Variants in IQGAP2 observed in about 807,000 individuals in gnomAD.
IQGAP2 encodes the protein ras GTPase-activating-like protein IQGAP2.
Under a neutral mutation model 201.3 loss-of-function variants are expected in IQGAP2, and 173 were observed. The observed-to-expected ratio is 0.86, with a 90% CI of 0.76 to 0.98. The LOEUF is 0.98. Ranked by LOEUF, IQGAP2 falls within the 50% of genes least tolerant of loss-of-function variation. The pLI, the probability that IQGAP2 is intolerant of heterozygous loss-of-function variation, is 0.00. For missense variants in IQGAP2, 1,687 were observed against 1,864.8 expected (o/e 0.90, Z 1.76); for synonymous variants, 675 against 673.9 (o/e 1.00, Z -0.03).
At chr5:76,595,413 G>A (rs534903430) in intron 9 of IQGAP2, among the ~76,000 whole-genome samples, 1 of 146,818 alleles carries the variant, frequency 6.8e-6, no homozygotes, top group South Asian at 2.3e-4. Context: ...AATGCAGAGT[G>A]TAAAAGAGTG....
In IQGAP2 at chr5:76,700,461, C is replaced by T. The variant is rs191172594; in HGVS notation, c.4368-615C>T. 3.8e-4 allele frequency among the ~76,000 whole-genome samples: 58 copies of T among 152,196 alleles called. No individual in the cohort carries two copies. In the East Asian group the frequency reaches 9.7e-3, roughly 25 times the overall value. On this transcript the variant is annotated intron_variant, in intron 33 of 35. Transcript: ENST00000274364. Reference sequence around the variant, plus strand: ...AGGTTGCAGTGAGCCAAGATCACGCCACTGCACTCCAGCCTGGGCAATAGA... The same window carrying T: ...AGGTTGCAGTGAGCCAAGATCACGCTACTGCACTCCAGCCTGGGCAATAGA...
At chr5:76,695,026 C>G (rs1746597684) in intron 31 of IQGAP2, among the ~76,000 whole-genome samples, 1 of 152,190 alleles carries the variant, frequency 6.6e-6, no homozygotes, top group South Asian at 2.1e-4. Flanking sequence ...GTTTAGGACT[C>G]TCCATAAACA....
chr5:76,501,992 G>A (rs1210662034), intron 2 of IQGAP2, among the ~76,000 whole-genome samples: 1 of 152,170 alleles, frequency 6.6e-6, no homozygotes, highest in African/African-American at 2.4e-5. Flanking sequence ...GATTGATTGT[G>A]CTACAACCTG....
chr5:76,442,390 G>C (rs1342195261), intron 1 of IQGAP2, among the ~76,000 whole-genome samples: 1 of 152,068 alleles, frequency 6.6e-6, no homozygotes, highest in Non-Finnish European at 1.5e-5. Flanking sequence ...ACATTTTTAG[G>C]CTTTGACATA....
chr5:76,438,035 G>GTTTTTTTTTTTTTTT (rs71604291), intron 1 of IQGAP2, among the ~76,000 whole-genome samples: 14 of 68,590 alleles, frequency 2.0e-4, no homozygotes, highest in South Asian at 3.8e-4. Flanking sequence ...TTTTTTGTTT[G>GTTTTTTTTTTTTTTT]TTTTTTTTTT....
intron 2 of IQGAP2, among the ~76,000 whole-genome samples, chr5:76,492,395 A>G (rs2150156952): frequency 6.6e-6 from 1 of 152,336 alleles, no homozygotes; most frequent in South Asian, 2.1e-4. Flanking sequence ...AGGGAAAGGT[A>G]GCACTGGGAT....
intron 30 of IQGAP2, 31 bp from the exon 31 acceptor site, chr5:76,693,324 G>A: frequency 6.6e-7 from 1 of 1,514,654 alleles, no homozygotes; most frequent in Non-Finnish European, 9.1e-7. Context: ...ACTACAGTCT[G>A]AAAGTCTGTC....
At chr5:76,678,036 A>C (rs550382224) in intron 28 of IQGAP2, among the ~76,000 whole-genome samples, 2 of 152,328 alleles carry the variant, frequency 1.3e-5, no homozygotes, top group East Asian at 3.9e-4. Flanking sequence ...AAGCTATGCT[A>C]TGTAGACCTA....
intron 1 of IQGAP2, among the ~76,000 whole-genome samples, chr5:76,425,389 G>C (rs975011880): frequency 6.6e-6 from 1 of 152,132 alleles, no homozygotes; most frequent in Non-Finnish European, 1.5e-5. Context: ...GCAAACAGCT[G>C]TTAATGTTGC....
In IQGAP2 at chr5:76,671,979, G is replaced by C; in HGVS notation, c.3064G>C (p.Ala1022Pro). The C allele has an allele frequency of 1.2e-6, 2 of 1,607,494 alleles. No individual in the cohort carries two copies. Among genetic ancestry groups the C allele is most frequent in the South Asian group, 2.2e-5 (2 of 90,720 alleles). ...VNQLETQTGE[A>P]SKLPYDVTTE... ...CCAACTAGAAACACAGACTGGAGAGGCCAGGTAATAGAATCAGGAAGGTGT... is the reference window on the plus strand; with the variant it reads ...CCAACTAGAAACACAGACTGGAGAGCCCAGGTAATAGAATCAGGAAGGTGT... Residue 1022 changes from alanine to proline, a missense_variant, in exon 24 of 36, where the codon GCC becomes CCC. By Grantham distance (27) the Ala-to-Pro change is conservative. Transcript: ENST00000274364.
chr5:76,558,961 C>T (rs1580455104), intron 2 of IQGAP2, among the ~76,000 whole-genome samples: 1 of 151,972 alleles, frequency 6.6e-6, no homozygotes, highest in Admixed American at 6.6e-5. Flanking sequence ...AGTGCAGTGG[C>T]GCGATCTCGG....
At chr5:76,700,989 G>T in intron 33 of IQGAP2, 87 bp from the exon 34 acceptor site, 2 of 1,385,816 alleles carry the variant, frequency 1.4e-6, no homozygotes. Context: ...TATGAACAGC[G>T]ATGTCACTCT....
chr5:76,530,179 T>C (rs750988545), intron 2 of IQGAP2, among the ~76,000 whole-genome samples: 1 of 152,224 alleles, frequency 6.6e-6, no homozygotes, highest in Admixed American at 6.5e-5. Context: ...TAAAACTTTA[T>C]AGAAAATGAA....
chr5:76,543,737 T>A (rs1345017546), intron 2 of IQGAP2, among the ~76,000 whole-genome samples: 8 of 152,218 alleles, frequency 5.3e-5, no homozygotes, highest in Non-Finnish European at 1.5e-5. Context: ...TAACAGTTTG[T>A]TTCCTGGCTT....
intron 2 of IQGAP2, among the ~76,000 whole-genome samples, chr5:76,559,217 C>A (rs1236296958): frequency 2.6e-5 from 4 of 152,056 alleles, no homozygotes; most frequent in African/African-American, 9.7e-5. Context: ...TTTTCAACTC[C>A]CTTTTCTGAG....
At chr5:76,644,295 C>CTTTTTTTTTTTTTTTTTTTTTTT in intron 17 of IQGAP2, among the ~76,000 whole-genome samples, 1,041 of 47,440 alleles carry the variant, frequency 0.022, 240 homozygotes, top group Non-Finnish European at 0.032. Context: ...TTTGTAAATC[C>CTTTTTTTTTTTTTTTTTTTTTTT]TTTTTTTTTT....
At chr5:76,531,129 G>C (rs1759265356) in intron 2 of IQGAP2, among the ~76,000 whole-genome samples, 1 of 152,188 alleles carries the variant, frequency 6.6e-6, no homozygotes, top group Non-Finnish European at 1.5e-5. Context: ...AAAGTACCAG[G>C]AGGTTAGGGC....
chr5:76,510,658 T>G (rs963888972), intron 2 of IQGAP2: 1 of 535,972 alleles, frequency 1.9e-6, no homozygotes, highest in Non-Finnish European at 3.8e-6. Context: ...CTTTGGGGAC[T>G]GCCACCGCTA....
chr5:76,441,545 T>C, intron 1 of IQGAP2: 1 of 981,958 alleles, frequency 1.0e-6, no homozygotes, highest in South Asian at 4.7e-5. Flanking sequence ...GTAATAATGC[T>C]ACTTCTTATA....
Sources: allele counts gnomAD v4.1 joint callset (sites outside exome capture counted in the v4.1 genomes callset), GRCh38; gene constraint gnomAD v4.1.1; transcripts MANE v1.5; gene names NCBI Gene and HGNC (gene_info 2026-07-23, HGNC 2026-07-21).